CFAP61: variants seen among roughly 807,000 people sequenced by gnomAD.
The protein encoded by CFAP61 is cilia and flagella associated protein 61.
Under a neutral mutation model 135.6 loss-of-function variants are expected in CFAP61, and 107 were observed. The ratio of observed to expected loss-of-function variants is 0.79; its 90% CI spans 0.67 to 0.93. The LOEUF (loss-of-function observed/expected upper bound fraction) is 0.93. Ranked by LOEUF, CFAP61 falls within the 40% of genes least tolerant of loss-of-function variation. CFAP61 has a pLI of 0.00. For missense variants in CFAP61, 1,507 were observed against 1,556.2 expected (o/e 0.97, Z 0.53); for synonymous variants, 575 against 578.5 (o/e 0.99, Z 0.09).
intron 6 of CFAP61, among the ~76,000 whole-genome samples, chr20:20,083,092 A>C (rs2046542949): frequency 6.6e-6 from 1 of 152,220 alleles, no homozygotes; most frequent in Non-Finnish European, 1.5e-5. Flanking sequence ...GAACCAACCT[A>C]AGTGCCCATC....
chr20:20,089,199 A>G (rs556510268), intron 6 of CFAP61, among the ~76,000 whole-genome samples: 2 of 152,178 alleles, frequency 1.3e-5, no homozygotes, highest in Non-Finnish European at 2.9e-5. Context: ...GGCAGGGCTT[A>G]AGTCACTAGA....
intron 8 of CFAP61, among the ~76,000 whole-genome samples, chr20:20,106,792 C>A (rs77234645): frequency 1.3e-5 from 2 of 152,070 alleles, no homozygotes; most frequent in Non-Finnish European, 2.9e-5. Flanking sequence ...TGGGGTAGAT[C>A]ACAGTTTGTT....
chr20:20,326,005 C>T (rs1165550167), intron 25 of CFAP61, among the ~76,000 whole-genome samples: 3 of 152,182 alleles, frequency 2.0e-5, no homozygotes, highest in Admixed American at 2.0e-4. Flanking sequence ...TAACAGGTCT[C>T]ACTAAGTTGT....
At position 20,290,245 on chromosome 20, in the gene CFAP61, G is replaced by A. The variant is rs957528024; in HGVS notation, c.3125-55G>A. The A allele has an allele frequency of 3.5e-5, 39 of 1,108,914 alleles. No homozygotes were observed. In the Middle Eastern group the frequency reaches 1.8e-3, roughly 50 times the overall value. The allele number at this position is 1,108,914 out of a possible 1,614,324, so 68.7% of individuals were successfully genotyped here. A position where few individuals can be genotyped will look rare whatever the true frequency, so the allele number is the denominator to read the frequency against. On this transcript the variant is annotated intron_variant, in intron 23 of 26. Transcript: ENST00000245957. ...GTCCTGTGATGAAAATATGAGCTCT[G>A]TTACTCACCTCATTAACAATTAATT...
intron 18 of CFAP61, among the ~76,000 whole-genome samples, chr20:20,239,404 A>G (rs1049001095): frequency 4.6e-5 from 7 of 152,216 alleles, no homozygotes; most frequent in Non-Finnish European, 1.0e-4. Flanking sequence ...CTGAATAGCA[A>G]GGAGGTTGAT....
chr20:20,226,274 C>T (rs2048731710), intron 17 of CFAP61: 1 of 152,192 alleles, frequency 6.6e-6, no homozygotes, highest in African/African-American at 2.4e-5. Flanking sequence ...TTCCTATTTT[C>T]ACTTACCTTT....
At chr20:20,276,419 TC>T (rs1180661904) in intron 21 of CFAP61, among the ~76,000 whole-genome samples, 2 of 152,252 alleles carry the variant, frequency 1.3e-5, no homozygotes, top group Non-Finnish European at 2.9e-5. Flanking sequence ...TTTAATAGTG[TC>T]ATTGACCTTA....
At chr20:20,265,289 G>A in intron 21 of CFAP61, 1 of 734,620 alleles carries the variant, frequency 1.4e-6, no homozygotes, top group Non-Finnish European at 2.5e-6. Flanking sequence ...ACCAAGAAAA[G>A]AGCCTTCGAA....
Position 20,189,616 on chromosome 20 carries a change from C to A in CFAP61, c.1512+1560C>A, listed in dbSNP as rs184353220. ...TCCCAGTAACTGCAGAAAGAGCAAA[C>A]CACAGTGGAATATCCCTGCACACCT... is the stretch of plus-strand genomic sequence containing the variant. On this transcript the variant is annotated intron_variant, in intron 14 of 26. Coordinates refer to ENST00000245957, the MANE Select transcript of CFAP61 (RefSeq NM_015585.4). 1.6e-4 allele frequency among the ~76,000 whole-genome samples: 24 copies of A among 152,238 alleles called. No individual in the cohort carries two copies. The East Asian group carries it at 4.6e-3, about 29-fold the overall frequency.
intron 3 of CFAP61, 102 bp from the exon 4 acceptor site, chr20:20,074,200 T>G (rs759610183): frequency 3.4e-6 from 3 of 873,812 alleles, no homozygotes; most frequent in Non-Finnish European, 5.9e-6. Context: ...AATGCCAGGC[T>G]GTTCTGTGTC....
At chr20:20,067,525 G>A (rs973608788) in intron 2 of CFAP61, among the ~76,000 whole-genome samples, 28 of 151,018 alleles carry the variant, frequency 1.9e-4, no homozygotes, top group African/African-American at 4.9e-5. Context: ...ATCTGTAGTC[G>A]CAGCTACTCG....
intron 21 of CFAP61, among the ~76,000 whole-genome samples, chr20:20,273,768 G>A (rs943569038): frequency 1.3e-5 from 2 of 152,196 alleles, no homozygotes; most frequent in Non-Finnish European, 2.9e-5. Context: ...GCCTGGCTGC[G>A]TAGGCCATGG....
intron 6 of CFAP61, among the ~76,000 whole-genome samples, chr20:20,088,972 A>G (rs549333618): frequency 1.3e-5 from 2 of 152,174 alleles, no homozygotes; most frequent in African/African-American, 4.8e-5. Flanking sequence ...ATTCAGTTTA[A>G]AGCATTTAGA....
chr20:20,128,496 C>G (rs981289414), intron 8 of CFAP61, among the ~76,000 whole-genome samples: 11 of 151,768 alleles, frequency 7.2e-5, no homozygotes, highest in Non-Finnish European at 1.6e-4. Context: ...GAGGATCTCC[C>G]TTTCCCACTT....
At chr20:20,104,729 CAG>C (rs1280929774) in intron 8 of CFAP61, among the ~76,000 whole-genome samples, 1 of 152,170 alleles carries the variant, frequency 6.6e-6, no homozygotes, top group African/African-American at 2.4e-5. Flanking sequence ...GCTTAAAAAA[CAG>C]AAATTGATTT....
intron 17 of CFAP61, among the ~76,000 whole-genome samples, chr20:20,224,071 A>G (rs2048571539): frequency 6.6e-6 from 1 of 152,188 alleles, no homozygotes; most frequent in South Asian, 2.1e-4. Context: ...TTGTTCAGCT[A>G]AAATACAGCA....
intron 6 of CFAP61, among the ~76,000 whole-genome samples, chr20:20,082,345 C>T (rs2046489462): frequency 6.6e-6 from 1 of 152,214 alleles, no homozygotes; most frequent in East Asian, 1.9e-4. Flanking sequence ...ATCCCCTGTC[C>T]TGTTTCTTTG....
At chr20:20,100,366 T>C (rs1448669518) in intron 8 of CFAP61, among the ~76,000 whole-genome samples, 1 of 151,976 alleles carries the variant, frequency 6.6e-6, no homozygotes, top group Non-Finnish European at 1.5e-5. Context: ...AGACACAGGG[T>C]TTCACCATGT....
chr20:20,347,554 A>T (rs971625078), intron 26 of CFAP61, among the ~76,000 whole-genome samples: 2 of 152,234 alleles, frequency 1.3e-5, no homozygotes, highest in Admixed American at 6.5e-5. Context: ...GACCTTATGG[A>T]AATAAAAAAG....
Sources: allele counts gnomAD v4.1 joint callset (sites outside exome capture counted in the v4.1 genomes callset), GRCh38; gene constraint gnomAD v4.1.1; transcripts MANE v1.5; gene names NCBI Gene and HGNC (gene_info 2026-07-23, HGNC 2026-07-21).